The following SV2B variants were observed in gnomAD, a reference collection of about 807,000 sequenced individuals.
The protein encoded by SV2B is solute carrier family 22 member B2.
A neutral mutation model predicts 73.9 loss-of-function variants in SV2B; 41 were observed. That is an observed-to-expected ratio of 0.56 (90% CI 0.43 to 0.72). The LOEUF is 0.72. Among genes scored for constraint, SV2B ranks in the 30% least tolerant of loss-of-function variants. The pLI is 0.00. For missense variants in SV2B, 764 were observed against 857.8 expected (o/e 0.89, Z 1.37); for synonymous variants, 314 against 314.2 (o/e 1.00, Z 0.01).
Position 91,252,503 on chromosome 15 carries a change from G to T in SV2B, c.767G>T (p.Ser256Ile), listed in dbSNP as rs775404297. ...CTGTACGCATCTGCCATGGCCTGGAGCATCATCCCACACTATGGTGAGTCA... is the reference window on the plus strand; with the variant it reads ...CTGTACGCATCTGCCATGGCCTGGATCATCATCCCACACTATGGTGAGTCA... ...GGLYASAMAW[S>I]IIPHYGWGFS... is the part of the protein sequence containing the mutation. Residue 256 changes from serine to isoleucine, a missense_variant, in exon 4 of 13, where the codon AGC becomes ATC. Transcript: ENST00000394232. The surrounding 1 kb of genome is among the most constrained non-coding windows in gnomAD (Gnocchi z 4.6). 1 of 1,611,104 alleles carries T rather than the reference G, an allele frequency of 6.2e-7. No homozygotes were observed. Among genetic ancestry groups the T allele is most frequent in the Non-Finnish European group, 8.5e-7 (1 of 1,178,526 alleles).
chr15:91,112,445 T>C (rs1251856660), intron 1 of SV2B, among the ~76,000 whole-genome samples: 1 of 152,164 alleles, frequency 6.6e-6, no homozygotes, highest in Non-Finnish European at 1.5e-5. Flanking sequence ...CCTTGGAAAC[T>C]GTGATTGAAG....
chr15:91,127,911 A>C (rs181537043), intron 1 of SV2B, among the ~76,000 whole-genome samples: 7 of 152,270 alleles, frequency 4.6e-5, no homozygotes, highest in African/African-American at 1.7e-4. Context: ...TCTTTTTCTC[A>C]TTATAAGCAT....
chr15:91,194,598 A>C (rs997228317), intron 1 of SV2B, among the ~76,000 whole-genome samples: 12 of 152,218 alleles, frequency 7.9e-5, no homozygotes, highest in African/African-American at 2.7e-4. Context: ...AATTCAGATG[A>C]AGTGCCTTGG....
At position 91,284,417 on chromosome 15, in the gene SV2B, A is replaced by C. The variant is rs1022247338; in HGVS notation, c.1708+196A>C. Reference sequence around the variant, plus strand: ...CCAGGGCTCCTGGGAAATAGTCAAGAATCTTTGGTCTAGGCGAGGGACTTT... The same window carrying C: ...CCAGGGCTCCTGGGAAATAGTCAAGCATCTTTGGTCTAGGCGAGGGACTTT... On this transcript the variant is annotated intron_variant, in intron 11 of 12. Transcript: ENST00000394232. The surrounding 1 kb of genome is among the most constrained non-coding windows in gnomAD (Gnocchi z 4.5). Among the ~76,000 whole-genome samples the C allele has an allele frequency of 6.6e-6, 1 of 152,162 alleles. No homozygotes were observed. Among genetic ancestry groups the C allele is most frequent in the Non-Finnish European group, 1.5e-5 (1 of 68,028 alleles).
intron 1 of SV2B, among the ~76,000 whole-genome samples, chr15:91,167,583 A>G (rs2141269082): frequency 6.6e-6 from 1 of 152,120 alleles, no homozygotes; most frequent in South Asian, 2.1e-4. Flanking sequence ...TTTTTGTCTG[A>G]TTCTGATCCT....
intron 1 of SV2B, among the ~76,000 whole-genome samples, chr15:91,156,650 A>G (rs1441745288): frequency 3.3e-5 from 5 of 152,222 alleles, no homozygotes; most frequent in African/African-American, 7.2e-5. Flanking sequence ...AAACATACAT[A>G]CAGGGTCAAG....
At chr15:91,193,309 T>C (rs558537202) in intron 1 of SV2B, among the ~76,000 whole-genome samples, 2 of 152,290 alleles carry the variant, frequency 1.3e-5, no homozygotes, top group African/African-American at 4.8e-5. Flanking sequence ...TGTTGAAAAA[T>C]GTACCTGTTG....
At chr15:91,138,589 C>T (rs965325772) in intron 1 of SV2B, among the ~76,000 whole-genome samples, 4 of 152,096 alleles carry the variant, frequency 2.6e-5, no homozygotes, top group Non-Finnish European at 4.4e-5. Flanking sequence ...TGCATCTGTA[C>T]TAAATGGGTA....
chr15:91,278,648 C>CGGCCTG lies in SV2B; in HGVS notation c.1374-3076_1374-3071dup, dbSNP rs1479355702. Reference sequence around the variant, plus strand: ...GAGCCGAGATTGCGCCACTGCAGTCCGGCCTGGGCGACAGAGCGAGACTCC... The same window carrying CGGCCTG: ...GAGCCGAGATTGCGCCACTGCAGTCCGGCCTGGGCCTGGGCGACAGAGCGAGACTCC... On this transcript the variant is annotated intron_variant, in intron 9 of 12. Coordinates refer to ENST00000394232, the MANE Select transcript of SV2B (RefSeq NM_001323032.3). 5.8e-4 allele frequency among the ~76,000 whole-genome samples: 59 copies of CGGCCTG among 100,970 alleles called. 3 individuals carry two copies. The highest frequency in any genetic ancestry group is 4.9e-3 in the East Asian group (22 of 4,498). 66.2% of individuals were successfully genotyped at this position (100,970 alleles called of 152,430 possible).
chr15:91,260,390 C>T lies in SV2B; in HGVS notation c.989C>T (p.Thr330Ile), dbSNP rs373616246. 3.3e-5 allele frequency: 53 copies of T among 1,613,000 alleles called. No homozygotes were observed. Among genetic ancestry groups the T allele is most frequent in the Non-Finnish European group, 4.4e-5 (52 of 1,179,630 alleles). Residue 330 changes from threonine (T) to isoleucine (I), a missense_variant, in exon 6 of 13, where the codon ACC becomes ATC. Transcript: ENST00000394232. The part of the protein sequence containing the change: ...VHDTNMRAKG[T>I]PEKVFTVSNI... ...GACACCAACATGAGAGCTAAGGGGA[C>T]CCCAGAGAAAGTGTTCACGGTGAGT... is the stretch of plus-strand genomic sequence containing the variant.
intron 9 of SV2B, among the ~76,000 whole-genome samples, chr15:91,270,870 C>A (rs9744255): frequency 0.083 from 5,435 of 65,094 alleles, 416 homozygotes; most frequent in African/African-American, 0.27. Context: ...GGATGATGGG[C>A]GGACGGTGAA....
chr15:91,206,020 TGTGGTGGTG>T lies in SV2B; in HGVS notation c.-391-19847_-391-19839del, dbSNP rs563522601. ...CAGAAACAACTACTGTTTTTGTTGT[TGTGGTGGTG>T]GTGGTTGTGGGTGGTTGTTTGTTTT... On this transcript the variant is annotated intron_variant, in intron 1 of 12. Coordinates refer to ENST00000394232, the MANE Select transcript of SV2B (RefSeq NM_001323032.3). Among the ~76,000 whole-genome samples, 676 of 152,086 alleles carry T rather than the reference TGTGGTGGTG, an allele frequency of 4.4e-3. 4 individuals are homozygous for T. The highest frequency in any genetic ancestry group is 0.014 in the Middle Eastern group (4 of 294).
chr15:91,165,054 A>C (rs2043861910), intron 1 of SV2B, among the ~76,000 whole-genome samples: 1 of 152,160 alleles, frequency 6.6e-6, no homozygotes, highest in Admixed American at 6.5e-5. Context: ...AATTTTTTTT[A>C]GGCTGGACAT....
At chr15:91,244,073 A>G (rs971527895) in intron 2 of SV2B, among the ~76,000 whole-genome samples, 1 of 152,198 alleles carries the variant, frequency 6.6e-6, no homozygotes, top group Non-Finnish European at 1.5e-5. Flanking sequence ...TCACTCAACT[A>G]TAATCCTAGG....
intron 1 of SV2B, among the ~76,000 whole-genome samples, chr15:91,225,449 T>C (rs2046341817): frequency 1.3e-5 from 2 of 152,186 alleles, no homozygotes; most frequent in Admixed American, 1.3e-4. Context: ...TAACAGAAAA[T>C]CCATAATACA....
chr15:91,147,834 C>T (rs1399750362), intron 1 of SV2B, among the ~76,000 whole-genome samples: 1 of 151,962 alleles, frequency 6.6e-6, no homozygotes, highest in African/African-American at 2.4e-5. Context: ...TGTTACAGGA[C>T]TTTAGGGGAT....
chr15:91,262,335 A>G (rs1301171931), intron 6 of SV2B, among the ~76,000 whole-genome samples: 1 of 152,244 alleles, frequency 6.6e-6, no homozygotes, highest in Non-Finnish European at 1.5e-5. Flanking sequence ...TATTTAAATT[A>G]TTATGACATT....
chr15:91,230,244 T>TAAAAA (rs199512896), intron 2 of SV2B, among the ~76,000 whole-genome samples: 2 of 129,832 alleles, frequency 1.5e-5, no homozygotes, highest in Non-Finnish European at 3.3e-5. Flanking sequence ...TTGTCTCATT[T>TAAAAA]AAAAAAAAAA....
chr15:91,117,635 G>A (rs1236684380), intron 1 of SV2B, among the ~76,000 whole-genome samples: 1 of 152,212 alleles, frequency 6.6e-6, no homozygotes. Flanking sequence ...CATGAGGAAT[G>A]TTAAACTGTC....
Sources: allele counts gnomAD v4.1 joint callset (sites outside exome capture counted in the v4.1 genomes callset), GRCh38; gene constraint gnomAD v4.1.1; non-coding constraint Gnocchi (gnomAD v3.1); transcripts MANE v1.5; gene names NCBI Gene and HGNC (gene_info 2026-07-23, HGNC 2026-07-21).